NCALD: variants seen among roughly 807,000 people sequenced by gnomAD.
NCALD encodes the protein neurocalcin-delta.
In NCALD, 10 loss-of-function variants were observed where a neutral mutation model predicts 18.6. The ratio of observed to expected loss-of-function variants is 0.54; its 90% CI spans 0.33 to 0.91. The LOEUF is 0.91. NCALD is among the 40% of genes least tolerant of loss of function. The pLI, the probability that NCALD is intolerant of heterozygous loss-of-function variation, is 0.03. For missense variants in NCALD, 184 were observed against 247.6 expected (o/e 0.74, Z 1.72); for synonymous variants, 88 against 87.4 (o/e 1.01, Z -0.04).
At chr8:101,797,402 G>C (rs6468797) in intron 4 of NCALD, among the ~76,000 whole-genome samples, 120,544 of 152,178 alleles carry the variant, frequency 0.79, 47,863 homozygotes, top group African/African-American at 0.83. Context: ...CTTTAAAGGA[G>C]CAACAAAAGA....
At chr8:101,882,254 C>T (rs554147260) in intron 4 of NCALD, among the ~76,000 whole-genome samples, 16 of 152,264 alleles carry the variant, frequency 1.1e-4, no homozygotes, top group African/African-American at 3.4e-4. Context: ...TTGTGTCTGC[C>T]TCCCTCCCCA....
intron 2 of NCALD, among the ~76,000 whole-genome samples, chr8:101,964,990 G>A (rs554680458): frequency 9.2e-5 from 14 of 152,182 alleles, no homozygotes; most frequent in East Asian, 3.9e-4. Context: ...AGACATTTAC[G>A]CAGCCAACAA....
At chr8:101,876,320 C>T (rs1816224611) in intron 4 of NCALD, among the ~76,000 whole-genome samples, 1 of 152,294 alleles carries the variant, frequency 6.6e-6, no homozygotes, top group East Asian at 1.9e-4. Flanking sequence ...GCTGTCTTTT[C>T]ATTAGGAGGA....
At chr8:102,079,156 C>T (rs917776517) in intron 1 of NCALD, among the ~76,000 whole-genome samples, 4 of 152,192 alleles carry the variant, frequency 2.6e-5, no homozygotes, top group Non-Finnish European at 4.4e-5. Context: ...TTTGGGAGTT[C>T]GCTGTGTCCT....
rs1177650017 is a variant in NCALD, at chr8:101,689,205, G to A, written c.*104C>T. 2 of 1,029,806 alleles carry A rather than the reference G, an allele frequency of 1.9e-6. No homozygotes were observed. Among genetic ancestry groups the A allele is most frequent in the Non-Finnish European group, 1.5e-6 (1 of 680,048 alleles). 63.8% of individuals were successfully genotyped at this position (1,029,806 alleles called of 1,614,324 possible). On this transcript the variant is annotated 3_prime_UTR_variant, in exon 4 of 4. Transcript: ENST00000220931. The surrounding 1 kb of genome is among the most constrained non-coding windows in gnomAD (Gnocchi z 4.4). Reference sequence around the variant, plus strand: ...GGCGCATCAGACCGCACAGGGGACGGCATCACCATTGATATTGTTTGGCAA... The same window carrying A: ...GGCGCATCAGACCGCACAGGGGACGACATCACCATTGATATTGTTTGGCAA...
intron 1 of NCALD, chr8:102,020,453 A>C (rs1039195970): frequency 2.6e-5 from 4 of 152,184 alleles, no homozygotes; most frequent in African/African-American, 9.7e-5. Context: ...CTATTTCTTT[A>C]TTATTGGTTC....
rs1491550100 is a variant in NCALD, at chr8:101,763,966, C to CTCTCTCTCCA, written c.-20+26895_-20+26896insTGGAGAGAGA. ...TTATGACAAATTTCTCTCTCTCTCT[C>CTCTCTCTCCA]CACACACACACACACACACACACAC... On this transcript the variant is annotated intron_variant, in intron 1 of 3. Coordinates refer to ENST00000220931, the MANE Select transcript of NCALD (RefSeq NM_032041.3). Among the ~76,000 whole-genome samples the CTCTCTCTCCA allele has an allele frequency of 2.5e-3, 215 of 85,292 alleles. 4 individuals are homozygous for CTCTCTCTCCA. Among genetic ancestry groups the CTCTCTCTCCA allele is most frequent in the African/African-American group, 8.1e-3 (207 of 25,422 alleles). The allele number at this position is 85,292 out of a possible 152,430, so 56.0% of individuals were successfully genotyped here. A position where few individuals can be genotyped will look rare whatever the true frequency, so the allele number is the denominator to read the frequency against.
At chr8:101,839,852 T>C (rs1159858662) in intron 4 of NCALD, among the ~76,000 whole-genome samples, 5 of 151,908 alleles carry the variant, frequency 3.3e-5, no homozygotes, top group Admixed American at 1.3e-4. Flanking sequence ...CTGGGAAGCA[T>C]GTGTTAGGTT....
chr8:101,730,069 C>G (rs540158875), intron 1 of NCALD, among the ~76,000 whole-genome samples: 2 of 152,264 alleles, frequency 1.3e-5, no homozygotes, highest in East Asian at 3.9e-4. Context: ...TAAAAAGACA[C>G]TATTAACAGT....
At chr8:101,843,430 G>T (rs1014836865) in intron 4 of NCALD, among the ~76,000 whole-genome samples, 3 of 152,050 alleles carry the variant, frequency 2.0e-5, no homozygotes, top group Admixed American at 1.3e-4. Flanking sequence ...CTGAGTATGT[G>T]CATGTACATG....
rs543162775 is a variant in NCALD, at chr8:101,929,245, G to A, written c.-156-13387C>T. Reference sequence around the variant, plus strand: ...AGGGGAAGAAGGAGGAGGAGGAGGAGGAGGAGGAAGGGATGGAGGAAGGGA... The same window carrying A: ...AGGGGAAGAAGGAGGAGGAGGAGGAAGAGGAGGAAGGGATGGAGGAAGGGA... On this transcript the variant is annotated intron_variant, in intron 2 of 6. Coordinates refer to the NCALD transcript ENST00000311028. Among the ~76,000 whole-genome samples the A allele has an allele frequency of 1.7e-3, 176 of 104,666 alleles. 3 individuals are homozygous for A. Among genetic ancestry groups the A allele is most frequent in the African/African-American group, 6.3e-3 (159 of 25,060 alleles). 68.7% of individuals were successfully genotyped at this position (104,666 alleles called of 152,430 possible). A position where few individuals can be genotyped will look rare whatever the true frequency, so the allele number is the denominator to read the frequency against.
rs1813646984 is a variant in NCALD, at chr8:101,819,793, G to A, written c.-20+67348C>T. ...CGAGATAAACAGCAGCAGCGGCGGTGGTACAGAGTGAAGAGGAAAGGAGAG... is the reference window on the plus strand; with the variant it reads ...CGAGATAAACAGCAGCAGCGGCGGTAGTACAGAGTGAAGAGGAAAGGAGAG... On this transcript the variant is annotated intron_variant, in intron 4 of 6. Transcript: ENST00000311028. 5.9e-5 allele frequency among the ~76,000 whole-genome samples: 9 copies of A among 152,274 alleles called. No homozygotes were observed. The South Asian group carries it at 1.9e-3, about 32-fold the overall frequency.
chr8:101,790,198 T>G (rs1010423518), intron 1 of NCALD, among the ~76,000 whole-genome samples: 1 of 152,258 alleles, frequency 6.6e-6, no homozygotes, highest in Non-Finnish European at 1.5e-5. Context: ...ATATGCACTT[T>G]GCTCTAACAA....
At chr8:102,053,733 T>C (rs1823531038) in intron 1 of NCALD, among the ~76,000 whole-genome samples, 1 of 152,248 alleles carries the variant, frequency 6.6e-6, no homozygotes, top group Non-Finnish European at 1.5e-5. Context: ...TCTCATTTTT[T>C]ATGTATTTTT....
intron 2 of NCALD, among the ~76,000 whole-genome samples, chr8:101,919,976 G>A (rs868466055): frequency 3.3e-5 from 5 of 152,204 alleles, no homozygotes; most frequent in Non-Finnish European, 4.4e-5. Context: ...GCAGTTTGGG[G>A]CTGGGCGTGG....
At chr8:101,778,249 G>A (rs894562643) in intron 1 of NCALD, among the ~76,000 whole-genome samples, 3 of 152,072 alleles carry the variant, frequency 2.0e-5, no homozygotes, top group Non-Finnish European at 2.9e-5. Flanking sequence ...CCATTCCTAC[G>A]TAACTGCCAA....
intron 2 of NCALD, among the ~76,000 whole-genome samples, chr8:101,976,059 A>C (rs1000041093): frequency 6.6e-6 from 1 of 152,052 alleles, no homozygotes; most frequent in African/African-American, 2.4e-5. Context: ...GCTATACTCC[A>C]TTACCATTTT....
intron 3 of NCALD, among the ~76,000 whole-genome samples, chr8:101,889,460 G>T (rs745479840): frequency 6.6e-6 from 1 of 152,126 alleles, no homozygotes; most frequent in African/African-American, 2.4e-5. Context: ...AAATTGCATT[G>T]CCTCTTTAAA....
At chr8:101,993,357 T>C (rs1821122690) in intron 2 of NCALD, among the ~76,000 whole-genome samples, 2 of 152,114 alleles carry the variant, frequency 1.3e-5, no homozygotes, top group South Asian at 4.1e-4. Context: ...ATTAGTTAAA[T>C]AAGTAAACTA....
Sources: gnomAD v4.1 joint callset for allele counts (sites outside exome capture counted in the v4.1 genomes callset) on GRCh38, gnomAD v4.1.1 for gene constraint, Gnocchi (gnomAD v3.1) non-coding constraint, MANE v1.5 for transcripts, NCBI Gene and HGNC (gene_info 2026-07-23, HGNC 2026-07-21) for gene names.